CLDN16: variants seen among roughly 807,000 people sequenced by gnomAD.
The protein encoded by CLDN16 is claudin 16.
In CLDN16, 13 loss-of-function variants were observed where a neutral mutation model predicts 24.6. The ratio of observed to expected loss-of-function variants is 0.53; its 90% CI spans 0.34 to 0.84. The LOEUF (loss-of-function observed/expected upper bound fraction) is 0.84, where lower values mean the gene tolerates loss of function less well. CLDN16 is among the 40% of genes least tolerant of loss of function. The pLI, the probability that CLDN16 is intolerant of heterozygous loss-of-function variation, is 0.01. For missense variants in CLDN16, 298 were observed against 292.7 expected, an observed-to-expected ratio of 1.02 and a Z score of -0.13; for synonymous variants, 116 against 106.7, an observed-to-expected ratio of 1.09 and a Z score of -0.54.
At chr3:190,301,848 A>C in the CLDN16 span, among the ~76,000 whole-genome samples, 1 of 152,122 alleles carries the variant, frequency 6.6e-6, no homozygotes, top group Non-Finnish European at 1.5e-5. Context: ...TTATCTACTT[A>C]CGGTCTATTT....
Position 190,361,871 on chromosome 3 carries a change from C to T in CLDN16, n.122-9022C>T, listed in dbSNP as rs191775919. Among the ~76,000 whole-genome samples, 1,015 of 151,984 alleles carry T rather than the reference C, an allele frequency of 6.7e-3. 13 individuals carry two copies. Among genetic ancestry groups the T allele is most frequent in the African/African-American group, 0.024 (981 of 41,496 alleles). On this transcript the variant is annotated intron_variant and non_coding_transcript_variant, in intron 1 of 4. Coordinates refer to the CLDN16 transcript ENST00000468220. ...TGTTCAACTGGGGGCTCCATCTTTC[C>T]TTTTTTTGTTACCACTTGTACTGTA...
intron 1 of CLDN16, among the ~76,000 whole-genome samples, chr3:190,361,217 T>G (rs1210638568): frequency 6.6e-6 from 1 of 152,018 alleles, no homozygotes; most frequent in African/African-American, 2.4e-5. Flanking sequence ...GAGCTCACAG[T>G]CTTTATACTG....
chr3:190,311,028 T>C, the CLDN16 span, among the ~76,000 whole-genome samples: 1 of 152,220 alleles, frequency 6.6e-6, no homozygotes, highest in Non-Finnish European at 1.5e-5. Flanking sequence ...ATAGATAGAT[T>C]AGATGTTTCT....
intron 3 of CLDN16, among the ~76,000 whole-genome samples, chr3:190,406,332 A>T (rs1719096441): frequency 1.3e-5 from 2 of 152,216 alleles, no homozygotes; most frequent in South Asian, 4.1e-4. Flanking sequence ...CCACCTACTG[A>T]CAGCATAGAA....
chr3:190,319,894 T>C (rs1716871802), upstream of CLDN16, among the ~76,000 whole-genome samples: 1 of 152,140 alleles, frequency 6.6e-6, no homozygotes, highest in Non-Finnish European at 1.5e-5. Context: ...TCCAAAAGCA[T>C]CCCGTGAGTC....
upstream of CLDN16, chr3:190,322,165 G>A: frequency 5.6e-6 from 9 of 1,614,178 alleles, no homozygotes; most frequent in Non-Finnish European, 7.6e-6. Context: ...ATCCCAGGAA[G>A]GCGAGAATGA....
chr3:190,366,930 C>T (rs1577411880), intron 1 of CLDN16, among the ~76,000 whole-genome samples: 1 of 151,982 alleles, frequency 6.6e-6, no homozygotes, highest in East Asian at 2.0e-4. Flanking sequence ...GCTGAGACCT[C>T]CAAAATTAAG....
At chr3:190,391,142 A>G (rs1182491030) in intron 1 of CLDN16, among the ~76,000 whole-genome samples, 2 of 144,740 alleles carry the variant, frequency 1.4e-5, no homozygotes, top group African/African-American at 4.9e-5. Context: ...TTTTGTTTTG[A>G]TTTTTTAAGA....
intron 1 of CLDN16, among the ~76,000 whole-genome samples, chr3:190,337,437 A>C (rs141148200): frequency 6.6e-6 from 1 of 152,340 alleles, no homozygotes; most frequent in African/African-American, 2.4e-5. Flanking sequence ...GAATGGCCCA[A>C]TAGATAAGAA....
At chr3:190,335,439 G>C (rs1367815109) in intron 1 of CLDN16, among the ~76,000 whole-genome samples, 1 of 151,984 alleles carries the variant, frequency 6.6e-6, no homozygotes, top group African/African-American at 2.4e-5. Flanking sequence ...TCCTGGCTGG[G>C]TGCAGTGGCT....
chr3:190,350,590 A>G (rs1717651924), intron 1 of CLDN16, among the ~76,000 whole-genome samples: 1 of 152,168 alleles, frequency 6.6e-6, no homozygotes, highest in Non-Finnish European at 1.5e-5. Context: ...GGAATGTACA[A>G]GGATGAATTT....
chr3:190,300,351 T>A, the CLDN16 span, among the ~76,000 whole-genome samples: 3 of 152,120 alleles, frequency 2.0e-5, 1 homozygote, highest in African/African-American at 7.3e-5. Context: ...GAACTCCCCA[T>A]GGGCTGGCCA....
intron 1 of CLDN16, among the ~76,000 whole-genome samples, chr3:190,332,402 A>G (rs1198778415): frequency 6.6e-6 from 1 of 152,196 alleles, no homozygotes; most frequent in Non-Finnish European, 1.5e-5. Context: ...AAGAGCTTAT[A>G]TGCATGAACT....
chr3:190,330,221 A>C (rs1220856306), intron 1 of CLDN16, among the ~76,000 whole-genome samples: 1 of 152,114 alleles, frequency 6.6e-6, no homozygotes, highest in Non-Finnish European at 1.5e-5. Context: ...AACTTGAACG[A>C]CCTTTTGTTT....
chr3:190,297,117 G>A, the CLDN16 span, among the ~76,000 whole-genome samples: 1 of 151,936 alleles, frequency 6.6e-6, no homozygotes, highest in African/African-American at 2.4e-5. Flanking sequence ...AAACACAAAT[G>A]TTTCATTGTA....
chr3:190,319,334 A>G (rs1453367647), upstream of CLDN16, among the ~76,000 whole-genome samples: 1 of 152,190 alleles, frequency 6.6e-6, no homozygotes, highest in Non-Finnish European at 1.5e-5. Flanking sequence ...CATACTTTGG[A>G]TGAAATGGAA....
intron 1 of CLDN16, among the ~76,000 whole-genome samples, chr3:190,349,679 A>G (rs1162459175): frequency 1.3e-5 from 2 of 152,190 alleles, no homozygotes; most frequent in African/African-American, 2.4e-5. Flanking sequence ...ACATGAGGTG[A>G]AAATGATAGT....
At chr3:190,389,752 G>GCAGATAAAACGTT (rs1297653416) in intron 1 of CLDN16, among the ~76,000 whole-genome samples, 5 of 152,202 alleles carry the variant, frequency 3.3e-5, no homozygotes, top group African/African-American at 9.6e-5. Context: ...AGGGAAAAGT[G>GCAGATAAAACGTT]CAGATAAAAC....
the CLDN16 span, among the ~76,000 whole-genome samples, chr3:190,291,929 G>A: frequency 1.3e-5 from 2 of 152,156 alleles, no homozygotes; most frequent in African/African-American, 4.8e-5. Flanking sequence ...ACTGATTAAG[G>A]GGGCGGGCCC....
Sources: gnomAD v4.1 joint callset for allele counts (sites outside exome capture counted in the v4.1 genomes callset) on GRCh38, gnomAD v4.1.1 for gene constraint, MANE v1.5 for transcripts, NCBI Gene and HGNC (gene_info 2026-07-23, HGNC 2026-07-21) for gene names.